The following SEMA5A variants were observed in gnomAD, a reference collection of about 807,000 sequenced individuals.
SEMA5A encodes the protein semaphorin 5A, also known as semaphorin-5A.
A neutral mutation model predicts 135.5 loss-of-function variants in SEMA5A; 55 were observed. The ratio of observed to expected loss-of-function variants is 0.41; its 90% confidence interval spans 0.33 to 0.51. The LOEUF is 0.51. Ranked by LOEUF, SEMA5A falls within the 20% of genes least tolerant of loss-of-function variation. The probability of loss-of-function intolerance (pLI) is 0.37; values close to 1 mark genes in which losing one functional copy is unlikely to be tolerated. For missense variants in SEMA5A, 1,290 were observed against 1,419.9 expected, an observed-to-expected ratio of 0.91 and a Z score of 1.47; for synonymous variants, 580 against 546.5, an observed-to-expected ratio of 1.06 and a Z score of -0.85.
chr5:9,401,081 T>G (rs1229112392), intron 2 of SEMA5A, among the ~76,000 whole-genome samples: 1 of 151,186 alleles, frequency 6.6e-6, no homozygotes, highest in Non-Finnish European at 1.5e-5. Context: ...TCCAACTTGT[T>G]TATTAAAAAT....
chr5:9,444,338 C>T (rs557387410), intron 1 of SEMA5A, among the ~76,000 whole-genome samples: 25 of 152,142 alleles, frequency 1.6e-4, no homozygotes, highest in African/African-American at 5.8e-4. Context: ...ATCCCTCACC[C>T]GCTTTCCACC....
intron 16 of SEMA5A, among the ~76,000 whole-genome samples, chr5:9,103,701 G>A (rs1739751370): frequency 6.6e-6 from 1 of 152,106 alleles, no homozygotes; most frequent in African/African-American, 2.4e-5. Context: ...CTTTGGCTCT[G>A]ATACAGCAAA....
chr5:9,297,440 C>G (rs1751395166), intron 5 of SEMA5A, among the ~76,000 whole-genome samples: 1 of 152,190 alleles, frequency 6.6e-6, no homozygotes, highest in African/African-American at 2.4e-5. Context: ...AATCAGAGAA[C>G]TCAGTCAGTC....
chr5:9,036,925 C>T lies in SEMA5A; in HGVS notation c.*5972G>A, dbSNP rs769749893. The T allele has an allele frequency of 6.6e-6, 1 of 152,430 alleles. No individual in the cohort carries two copies. The highest frequency in any genetic ancestry group is 1.5e-5 in the Non-Finnish European group (1 of 67,986). 9.4% of individuals were successfully genotyped at this position (152,430 alleles called of 1,614,324 possible). On this transcript the variant is annotated 3_prime_UTR_variant, in exon 23 of 23. Coordinates refer to ENST00000382496, the MANE Select transcript of SEMA5A (RefSeq NM_003966.3). ...TTTTAGCAACATGATAAAATAGTTC[C>T]GATTTTTCAGAGTCCAGATTTTGCT... is the stretch of plus-strand genomic sequence containing the variant.
At chr5:9,518,769 C>T (rs1186457659) in intron 1 of SEMA5A, among the ~76,000 whole-genome samples, 2 of 152,100 alleles carry the variant, frequency 1.3e-5, no homozygotes, top group African/African-American at 4.8e-5. Context: ...GAGAAAATGA[C>T]CACTTTATTT....
At chr5:9,197,780 G>GTGTGTGTGTGTGTA (rs1402121195) in intron 9 of SEMA5A, among the ~76,000 whole-genome samples, 6,242 of 103,700 alleles carry the variant, frequency 0.06, 445 homozygotes, top group Non-Finnish European at 0.074. Context: ...GTGTGTGTGT[G>GTGTGTGTGTGTGTA]TGTGTTTTAA....
At chr5:9,411,028 A>C (rs1451624121) in intron 2 of SEMA5A, among the ~76,000 whole-genome samples, 1 of 151,576 alleles carries the variant, frequency 6.6e-6, no homozygotes, top group Non-Finnish European at 1.5e-5. Context: ...ATCTTGTGAT[A>C]ATTTGAAAAA....
chr5:9,423,548 A>C (rs1757543346), intron 2 of SEMA5A, among the ~76,000 whole-genome samples: 1 of 152,240 alleles, frequency 6.6e-6, no homozygotes, highest in Admixed American at 6.5e-5. Context: ...GGCCAGTGCC[A>C]AATCTTGTTT....
chr5:9,399,165 TG>T (rs1756537613), intron 2 of SEMA5A, among the ~76,000 whole-genome samples: 1 of 152,206 alleles, frequency 6.6e-6, no homozygotes, highest in Non-Finnish European at 1.5e-5. Flanking sequence ...GCAGCACTAT[TG>T]ATAATAGTCT....
intron 11 of SEMA5A, among the ~76,000 whole-genome samples, chr5:9,186,485 C>T (rs940971715): frequency 7.9e-5 from 12 of 152,140 alleles, no homozygotes; most frequent in Non-Finnish European, 1.3e-4. Context: ...ACCTGGATTC[C>T]CAAGCCTGGA....
rs1218417920 is a variant in SEMA5A at position 9,234,390 on chromosome 5, G to A, written c.333+3438C>T. Reference sequence around the variant, plus strand: ...ACTATGTTAAGAAAGCAAGAGAGATGCCAAATAAGAAAGAGGAACTTATAA... The same window carrying A: ...ACTATGTTAAGAAAGCAAGAGAGATACCAAATAAGAAAGAGGAACTTATAA... On this transcript the variant is annotated intron_variant, in intron 6 of 22. Coordinates refer to ENST00000382496, the MANE Select transcript of SEMA5A (RefSeq NM_003966.3). Among the ~76,000 whole-genome samples the A allele has an allele frequency of 3.9e-5, 6 of 152,186 alleles. No homozygotes were observed. In the East Asian group the frequency reaches 1.2e-3, roughly 29 times the overall value.
intron 1 of SEMA5A, among the ~76,000 whole-genome samples, chr5:9,468,673 A>C (rs1339611377): frequency 6.6e-6 from 1 of 152,114 alleles, no homozygotes; most frequent in African/African-American, 2.4e-5. Context: ...AATCTGATTT[A>C]AATGGCTACA....
intron 15 of SEMA5A, among the ~76,000 whole-genome samples, chr5:9,110,329 C>T (rs534583602): frequency 5.9e-5 from 9 of 152,298 alleles, no homozygotes; most frequent in Non-Finnish European, 1.0e-4. Context: ...CCCTGAGATT[C>T]GAGGAGCTCC....
intron 5 of SEMA5A, among the ~76,000 whole-genome samples, chr5:9,246,756 T>C (rs1748502138): frequency 1.3e-5 from 2 of 152,286 alleles, no homozygotes; most frequent in African/African-American, 4.8e-5. Context: ...TAGCATGGGA[T>C]TCTCTGTAAA....
At chr5:9,180,248 T>A (rs1744429824) in intron 11 of SEMA5A, among the ~76,000 whole-genome samples, 1 of 152,148 alleles carries the variant, frequency 6.6e-6, no homozygotes, top group Non-Finnish European at 1.5e-5. Flanking sequence ...TACTGAAGGG[T>A]TAGGAATTTC....
At chr5:9,444,258 T>G in intron 1 of SEMA5A, among the ~76,000 whole-genome samples, 1 of 152,156 alleles carries the variant, frequency 6.6e-6, no homozygotes, top group East Asian at 1.9e-4. Context: ...CAAACTTTTG[T>G]GGTGACTTGT....
chr5:9,419,606 A>C (rs1425511133), intron 2 of SEMA5A, among the ~76,000 whole-genome samples: 3 of 152,236 alleles, frequency 2.0e-5, no homozygotes, highest in African/African-American at 7.2e-5. Flanking sequence ...TTGTGTGCAA[A>C]CCTAAGGAGT....
At chr5:9,193,967 G>A (rs372247967) in intron 10 of SEMA5A, among the ~76,000 whole-genome samples, 7 of 152,228 alleles carry the variant, frequency 4.6e-5, no homozygotes, top group African/African-American at 1.4e-4. Context: ...TCAGATCTAC[G>A]CACTTGCTCC....
chr5:9,096,236 C>T (rs754225861), intron 16 of SEMA5A, among the ~76,000 whole-genome samples: 3 of 152,128 alleles, frequency 2.0e-5, no homozygotes, highest in Non-Finnish European at 4.4e-5. Flanking sequence ...TTTCTGAATA[C>T]AACACACCAT....
Sources: allele counts gnomAD v4.1 joint callset (sites outside exome capture counted in the v4.1 genomes callset), GRCh38; gene constraint gnomAD v4.1.1; transcripts MANE v1.5; gene names NCBI Gene and HGNC (gene_info 2026-07-23, HGNC 2026-07-21).